Variants in IFT140 observed in about 807,000 individuals in gnomAD.
IFT140 encodes the protein intraflagellar transport 140, also known as intraflagellar transport protein 140 homolog.
A neutral mutation model predicts 164.6 loss-of-function variants in IFT140; 133 were observed. The ratio of observed to expected loss-of-function variants is 0.81; its 90% CI spans 0.70 to 0.93. The LOEUF is 0.93. IFT140 is among the 40% of genes least tolerant of loss of function. The probability of loss-of-function intolerance (pLI) is 0.00; values close to 1 mark genes in which losing one functional copy is unlikely to be tolerated. For synonymous variants in IFT140, 860 were observed against 817.3 expected, an observed-to-expected ratio of 1.05 and a Z score of -0.89; for missense variants, 2,045 against 1,972.3, an observed-to-expected ratio of 1.04 and a Z score of -0.70.
chr16:1,516,718 C>T lies in IFT140; in HGVS notation c.4182+1498G>A, dbSNP rs1300259493. Among the ~76,000 whole-genome samples, 201 of 144,860 alleles carry T rather than the reference C, an allele frequency of 1.4e-3. 1 individual carries two copies. Among genetic ancestry groups the T allele is most frequent in the Admixed American group, 2.5e-3 (35 of 14,090 alleles). ...CCGGGAGGCAGAGCTTGCAGTGAGCCGAGATTGCACCACCGCACTCCAGCC... is the reference window on the plus strand; with the variant it reads ...CCGGGAGGCAGAGCTTGCAGTGAGCTGAGATTGCACCACCGCACTCCAGCC... On this transcript the variant is annotated intron_variant, in intron 30 of 30. Transcript: ENST00000426508.
At position 1,541,415 on chromosome 16, in the gene IFT140, CCAT is replaced by C. The variant is rs1172855136; in HGVS notation, c.2400-14622_2400-14620del. 12 of 985,302 alleles carry C rather than the reference CCAT, an allele frequency of 1.2e-5. No homozygotes were observed. In the Admixed American group the frequency reaches 7.4e-4, roughly 61 times the overall value. 61.0% of individuals were successfully genotyped at this position (985,302 alleles called of 1,614,324 possible). ...CAGCTGCTGGGAGGAGGGAACACCA[CCAT>C]GAGCCGCTTGGGGGTCGGGCAGCTG... On this transcript the variant is annotated intron_variant, in intron 19 of 30. Transcript: ENST00000426508.
intron 9 of IFT140, among the ~76,000 whole-genome samples, chr16:1,586,627 GCACA>G (rs10572789): frequency 2.5e-4 from 37 of 149,974 alleles, no homozygotes; most frequent in African/African-American, 4.7e-4. Context: ...ACACATGCAT[GCACA>G]CACACACACA....
chr16:1,594,078 T>C (rs890061468), intron 4 of IFT140, among the ~76,000 whole-genome samples: 4 of 152,248 alleles, frequency 2.6e-5, no homozygotes, highest in South Asian at 2.1e-4. Flanking sequence ...GGCTGCTTCA[T>C]GTATTCTGTT....
chr16:1,512,881 G>C (rs2040214500), intron 30 of IFT140: 1 of 152,284 alleles, frequency 6.6e-6, no homozygotes, highest in South Asian at 2.1e-4. Context: ...GTGAATGGAA[G>C]TGGAACGGCG....
chr16:1,532,054 G>A (rs1465120473), intron 19 of IFT140: 4 of 152,352 alleles, frequency 2.6e-5, no homozygotes, highest in South Asian at 4.1e-4. Flanking sequence ...CTTCTGCACC[G>A]TGTGCTTAGG....
At chr16:1,596,218 C>T (rs2035456766) in intron 4 of IFT140, among the ~76,000 whole-genome samples, 1 of 151,306 alleles carries the variant, frequency 6.6e-6, no homozygotes, top group Non-Finnish European at 1.5e-5. Flanking sequence ...CCAGCCTCCT[C>T]CCTGGAGCCG....
rs570605676 is a variant in IFT140, at chr16:1,558,132, G to C, written c.2202C>G (p.Pro734=). The C allele has an allele frequency of 1.2e-6, 2 of 1,614,058 alleles. No homozygotes were observed. The highest frequency in any genetic ancestry group is 1.7e-6 in the Non-Finnish European group (2 of 1,179,990). Residue 734 remains proline (P), a splice_region_variant and synonymous_variant, in exon 19 of 31, where the codon CCC becomes CCG. Coordinates refer to ENST00000426508, the MANE Select transcript of IFT140 (RefSeq NM_014714.4). The part of the protein sequence containing the change: ...EVPYYYFTRK[P]EEADREDEVE... ...CCTCGTCTTCTCTGTCTGCTTCTTC[G>C]GGCTAAATGACAAAGGACCCATGTG...
rs1254774902 is a variant in IFT140, at chr16:1,564,959, A to G, written c.1902-797T>C. Among the ~76,000 whole-genome samples, 1 of 152,168 alleles carries G rather than the reference A, an allele frequency of 6.6e-6. No individual in the cohort carries two copies. The highest frequency in any genetic ancestry group is 1.5e-5 in the Non-Finnish European group (1 of 68,032). On this transcript the variant is annotated intron_variant, in intron 16 of 30. Coordinates refer to ENST00000426508, the MANE Select transcript of IFT140 (RefSeq NM_014714.4). This position sits in a 1 kb window ranked among gnomAD's most constrained non-coding sequence, Gnocchi z 5.5. ...AAAGCAGGGCAGAGGGGCGAGTGCC[A>G]TGCTCCAGACAAGGCGGCTCTGAGG... is the stretch of plus-strand genomic sequence containing the variant.
At chr16:1,520,571 T>C in intron 27 of IFT140, 31 bp downstream of exon 27, 1 of 1,539,286 alleles carries the variant, frequency 6.5e-7, no homozygotes, top group Non-Finnish European at 8.8e-7. Context: ...GCCTGTGAGG[T>C]AGCCGCGGGC....
At chr16:1,587,038 G>T (rs1268821395) in intron 9 of IFT140, among the ~76,000 whole-genome samples, 160 bp downstream of exon 9, 1 of 152,198 alleles carries the variant, frequency 6.6e-6, no homozygotes, top group Non-Finnish European at 1.5e-5. Context: ...ACAAAGCTCT[G>T]CCGTTGCTTG....
chr16:1,574,041 G>C (rs781765612), intron 13 of IFT140, among the ~76,000 whole-genome samples: 1 of 152,148 alleles, frequency 6.6e-6, no homozygotes, highest in Non-Finnish European at 1.5e-5. Context: ...GAACTAACCT[G>C]ATAAGCTGCC....
intron 21 of IFT140, 133 bp downstream of exon 21, chr16:1,525,745 CTGCCGAGAA>C: frequency 2.3e-6 from 2 of 881,874 alleles, no homozygotes; most frequent in Non-Finnish European, 3.3e-6. Flanking sequence ...CAGAAGCTTC[CTGCCGAGAA>C]GGCTGCCACC....
In IFT140 at chr16:1,571,507, A is replaced by C; in HGVS notation, c.1552T>G (p.Ser518Ala). The C allele has an allele frequency of 6.2e-7, 1 of 1,613,592 alleles. No individual in the cohort carries two copies. Among genetic ancestry groups the C allele is most frequent in the South Asian group, 1.1e-5 (1 of 90,870 alleles). The change falls in exon 14 of 31, where the codon TCG becomes GCG. Residue 518 changes from serine to alanine, a missense_variant. Coordinates refer to ENST00000426508, the MANE Select transcript of IFT140 (RefSeq NM_014714.4). Reference sequence around the variant, plus strand: ...AAGCAGGGATTCCCCTCAGTCTCCGAGAAAAGGAGGAGTTGTTTGACAGTC... The same window carrying C: ...AAGCAGGGATTCCCCTCAGTCTCCGCGAAAAGGAGGAGTTGTTTGACAGTC... Reference protein sequence around the residue: ...QGTVKQLLLFSETEGNPCFLD... With the variant: ...QGTVKQLLLFAETEGNPCFLD...
intron 19 of IFT140, among the ~76,000 whole-genome samples, chr16:1,537,609 C>T (rs570993065): frequency 6.6e-6 from 1 of 152,174 alleles, no homozygotes; most frequent in Non-Finnish European, 1.5e-5. Context: ...GTGAGGAGCT[C>T]GGGGGACCAG....
chr16:1,523,185 G>A (rs550074637), intron 26 of IFT140, among the ~76,000 whole-genome samples: 5 of 149,312 alleles, frequency 3.3e-5, no homozygotes, highest in African/African-American at 9.9e-5. Context: ...CACCACCACA[G>A]TCCAGCCTGG....
At chr16:1,590,094 G>T (rs2035096470) in intron 6 of IFT140, among the ~76,000 whole-genome samples, 1 of 151,578 alleles carries the variant, frequency 6.6e-6, no homozygotes, top group African/African-American at 2.4e-5. Flanking sequence ...CCATCTACTT[G>T]GGAGACCTAG....
At chr16:1,571,645 A>G (rs2034019827) in intron 13 of IFT140, 111 bp from the exon 14 acceptor site, 1 of 1,190,620 alleles carries the variant, frequency 8.4e-7, no homozygotes. Flanking sequence ...GTTACTGAAC[A>G]TTGTTCACAG....
At chr16:1,542,004 G>T (rs773604691) in intron 19 of IFT140, 4 of 1,611,442 alleles carry the variant, frequency 2.5e-6, no homozygotes, top group Non-Finnish European at 3.4e-6. Flanking sequence ...CCTGGGGCTG[G>T]TGGGCCTGCC....
chr16:1,563,913 C>T, intron 17 of IFT140, 84 bp downstream of exon 17: 1 of 1,363,428 alleles, frequency 7.3e-7, no homozygotes, highest in South Asian at 1.9e-5. Flanking sequence ...AGGCGTGAGC[C>T]ACCGTGCCCA....
Sources: gnomAD v4.1 joint callset for allele counts (sites outside exome capture counted in the v4.1 genomes callset) on GRCh38, gnomAD v4.1.1 for gene constraint, Gnocchi (gnomAD v3.1) non-coding constraint, MANE v1.5 for transcripts, NCBI Gene and HGNC (gene_info 2026-07-23, HGNC 2026-07-21) for gene names.